LNPEP: variants seen among roughly 807,000 people sequenced by gnomAD.
The protein encoded by LNPEP is leucyl and cystinyl aminopeptidase.
A neutral mutation model predicts 120.6 loss-of-function variants in LNPEP; 64 were observed. The observed-to-expected ratio is 0.53, with a 90% CI of 0.43 to 0.65. The LOEUF is 0.65. Ranked by LOEUF, LNPEP falls within the 30% of genes least tolerant of loss-of-function variation. LNPEP has a pLI of 0.00. For missense variants in LNPEP, 1,057 were observed against 1,200.0 expected, an observed-to-expected ratio of 0.88 and a Z score of 1.76; for synonymous variants, 435 against 425.4, an observed-to-expected ratio of 1.02 and a Z score of -0.28.
In LNPEP at chr5:97,022,407, C is replaced by T; in HGVS notation, c.2484C>T (p.Cys828=). 6.2e-7 allele frequency: 1 copy of T among 1,614,088 alleles called. No homozygotes were observed. Among genetic ancestry groups the T allele is most frequent in the Non-Finnish European group, 8.5e-7 (1 of 1,179,916 alleles). ...GGTCAGCCCTGCTAGAGTTTGCTTG[C>T]ACCCACAACCTGGGGAACTGCTCTA... ...ELRSALLEFA[C]THNLGNCSTT... The change falls in exon 14 of 18, where the codon TGC becomes TGT. Residue 828 remains cysteine, a synonymous_variant. Transcript: ENST00000231368.
At chr5:97,006,049 TA>T in intron 9 of LNPEP, 23 bp from the exon 10 acceptor site, 2 of 750,482 alleles carry the variant, frequency 2.7e-6, no homozygotes, top group Admixed American at 4.6e-5. Context: ...AAAAGTTTTA[TA>T]TATATATATA....
intron 1 of LNPEP, among the ~76,000 whole-genome samples, chr5:96,956,291 A>G (rs1789464034): frequency 6.6e-6 from 1 of 152,168 alleles, no homozygotes; most frequent in Admixed American, 6.5e-5. Context: ...TAGTTTCCAG[A>G]GTTTTTTTTA....
chr5:96,947,851 T>C (rs751324385), intron 1 of LNPEP, among the ~76,000 whole-genome samples: 3 of 152,210 alleles, frequency 2.0e-5, no homozygotes, highest in Non-Finnish European at 2.9e-5. Flanking sequence ...TGGGTTTAAT[T>C]CTATTTTACT....
intron 11 of LNPEP, among the ~76,000 whole-genome samples, chr5:97,008,641 C>T (rs920886781): frequency 7.5e-5 from 11 of 146,626 alleles, no homozygotes; most frequent in Non-Finnish European, 1.5e-4. Context: ...CATGAGCCAC[C>T]GCACCTGGCT....
In LNPEP at chr5:96,963,743, ATGTTT is replaced by A. The variant is rs533799764; in HGVS notation, c.20-15389_20-15385del. Among the ~76,000 whole-genome samples, 22 of 152,268 alleles carry A rather than the reference ATGTTT, an allele frequency of 1.4e-4. No individual in the cohort carries two copies. The South Asian group carries it at 4.4e-3, about 30-fold the overall frequency. On this transcript the variant is annotated intron_variant, in intron 1 of 17. Transcript: ENST00000231368. ...ATAGCAAATTCCTTTTTAAAAAAGA[ATGTTT>A]TGTTTATTAATTTTTTAAATTGACA...
intron 6 of LNPEP, 106 bp downstream of exon 6, chr5:96,994,077 G>A (rs1790453002): frequency 1.2e-6 from 1 of 864,606 alleles, no homozygotes; most frequent in African/African-American, 1.7e-5. Context: ...TTTAAGCATT[G>A]CCTTCTTTTA....
chr5:96,982,681 GA>G (rs148638730), intron 2 of LNPEP, among the ~76,000 whole-genome samples: 5,709 of 152,202 alleles, frequency 0.038, 183 homozygotes, highest in Middle Eastern at 0.11. Flanking sequence ...TGAAATGTTA[GA>G]AACATAATAT....
At chr5:97,017,057 T>A (rs1433539678) in intron 13 of LNPEP, among the ~76,000 whole-genome samples, 1 of 152,208 alleles carries the variant, frequency 6.6e-6, no homozygotes, top group Non-Finnish European at 1.5e-5. Flanking sequence ...TAGTGTACTA[T>A]CAAATAGTTC....
At chr5:96,939,619 T>A (rs916310130) in intron 1 of LNPEP, among the ~76,000 whole-genome samples, 2 of 152,160 alleles carry the variant, frequency 1.3e-5, no homozygotes, top group Admixed American at 6.5e-5. Flanking sequence ...TTTTTTCATA[T>A]GAATGTAGGT....
At chr5:97,007,060 A>G (rs1790805471) in intron 11 of LNPEP, among the ~76,000 whole-genome samples, 1 of 152,204 alleles carries the variant, frequency 6.6e-6, no homozygotes, top group Non-Finnish European at 1.5e-5. Flanking sequence ...ATGCTGACCT[A>G]CAATATAAAA....
chr5:96,954,233 C>A (rs1375157067), intron 1 of LNPEP, among the ~76,000 whole-genome samples: 1 of 152,108 alleles, frequency 6.6e-6, no homozygotes, highest in East Asian at 1.9e-4. Context: ...ACATGTACAT[C>A]CTGAAATGTA....
intron 1 of LNPEP, among the ~76,000 whole-genome samples, chr5:96,951,920 T>C (rs1198904081): frequency 6.6e-6 from 1 of 152,176 alleles, no homozygotes; most frequent in African/African-American, 2.4e-5. Flanking sequence ...GATCAAGATG[T>C]CTGGAGAGTT....
At chr5:97,013,504 A>G (rs1162213438) in intron 11 of LNPEP, 144 bp from the exon 12 acceptor site, 1 of 463,712 alleles carries the variant, frequency 2.2e-6, no homozygotes, top group African/African-American at 2.0e-5. Flanking sequence ...ACTAACGTGA[A>G]AATAACTGTA....
rs574759727 is a variant in LNPEP, at chr5:97,011,080, A to G, written c.2036-2568A>G. The G allele has an allele frequency of 5.1e-6, 5 of 985,444 alleles. No individual in the cohort carries two copies. The South Asian group carries it at 2.3e-4, about 46-fold the overall frequency. 61.0% of individuals were successfully genotyped at this position (985,444 alleles called of 1,614,324 possible). On this transcript the variant is annotated intron_variant, in intron 11 of 17. Transcript: ENST00000231368. ...AGGTTTACAACATGGCAAGCTGCTT[A>G]TCAACCAAGGTATTCCGTATGTATT...
chr5:96,985,327 C>T, intron 3 of LNPEP, 109 bp downstream of exon 3: 1 of 846,424 alleles, frequency 1.2e-6, no homozygotes, highest in Non-Finnish European at 1.7e-6. Context: ...AAATCATATA[C>T]ATTAATATTC....
chr5:97,018,705 T>C (rs1791120693), intron 13 of LNPEP, among the ~76,000 whole-genome samples: 1 of 152,222 alleles, frequency 6.6e-6, no homozygotes, highest in Non-Finnish European at 1.5e-5. Flanking sequence ...TTATGAATCC[T>C]TGGATATGAC....
chr5:97,012,205 G>A (rs911202185), intron 11 of LNPEP, among the ~76,000 whole-genome samples: 5 of 152,052 alleles, frequency 3.3e-5, no homozygotes, highest in Admixed American at 6.6e-5. Context: ...AAAAATGTGC[G>A]GGGGGATCTG....
intron 4 of LNPEP, among the ~76,000 whole-genome samples, chr5:96,988,116 AT>A (rs1790284936): frequency 1.3e-5 from 2 of 150,816 alleles, no homozygotes; most frequent in Admixed American, 6.6e-5. Context: ...CAGTCTTGGC[AT>A]TTTCCCCCCT....
Position 96,966,576 on chromosome 5 carries a change from C to T in LNPEP, c.20-12562C>T, listed in dbSNP as rs565353902. Among the ~76,000 whole-genome samples, 3 of 146,054 alleles carry T rather than the reference C, an allele frequency of 2.1e-5. No individual in the cohort carries two copies. The East Asian group carries it at 6.3e-4, about 31-fold the overall frequency. On this transcript the variant is annotated intron_variant, in intron 1 of 17. Transcript: ENST00000231368. ...TGTAGTGAAGAGAAACCTGGCCCTA[C>T]CAGTGATGGAGTCCTGGCTTTACCA...
Sources: allele counts gnomAD v4.1 joint callset (sites outside exome capture counted in the v4.1 genomes callset), GRCh38; gene constraint gnomAD v4.1.1; transcripts MANE v1.5; gene names NCBI Gene and HGNC (gene_info 2026-07-23, HGNC 2026-07-21).